CTNNA3: variants seen among roughly 807,000 people sequenced by gnomAD.
The protein encoded by CTNNA3 is catenin alpha 3, also known as catenin alpha-3.
A neutral mutation model predicts 95.7 loss-of-function variants in CTNNA3; 76 were observed. That is an observed-to-expected ratio of 0.79 (90% CI 0.66 to 0.96). The LOEUF (loss-of-function observed/expected upper bound fraction) is 0.96, where lower values mean the gene tolerates loss of function less well. Ranked by LOEUF, CTNNA3 falls within the 40% of genes least tolerant of loss-of-function variation. The pLI, the probability that CTNNA3 is intolerant of heterozygous loss-of-function variation, is 0.00. For missense variants in CTNNA3, 1,191 were observed against 1,089.8 expected (o/e 1.09, Z -1.31); for synonymous variants, 431 against 374.4 (o/e 1.15, Z -1.74).
intron 7 of CTNNA3, among the ~76,000 whole-genome samples, chr10:66,859,730 G>T: frequency 7.9e-6 from 1 of 126,778 alleles, no homozygotes; most frequent in Non-Finnish European, 1.7e-5. Flanking sequence ...TGTTTACTGC[G>T]GCACTATTCA....
At chr10:67,718,799 A>G (rs1040688201) in intron 1 of CTNNA3, among the ~76,000 whole-genome samples, 12 of 152,208 alleles carry the variant, frequency 7.9e-5, no homozygotes, top group African/African-American at 2.9e-4. Context: ...TTTAGGTATC[A>G]GGATGATGCT....
intron 5 of CTNNA3, among the ~76,000 whole-genome samples, chr10:67,468,982 T>C (rs1847710016): frequency 6.6e-6 from 1 of 152,226 alleles, no homozygotes; most frequent in South Asian, 2.1e-4. Context: ...AAGCTTAAGC[T>C]TAAGTTCACT....
At chr10:66,903,972 CAA>C (rs547652015) in intron 7 of CTNNA3, among the ~76,000 whole-genome samples, 48 of 152,266 alleles carry the variant, frequency 3.2e-4, no homozygotes, top group African/African-American at 1.1e-3. Flanking sequence ...TTTATAGATT[CAA>C]AGTCGTCCTC....
At chr10:67,349,938 T>C (rs1842570262) in intron 5 of CTNNA3, among the ~76,000 whole-genome samples, 1 of 152,094 alleles carries the variant, frequency 6.6e-6, no homozygotes, top group Non-Finnish European at 1.5e-5. Context: ...AGGTAAGGTA[T>C]CAGGGCACTC....
intron 15 of CTNNA3, among the ~76,000 whole-genome samples, chr10:66,045,421 C>T (rs1476120422): frequency 6.6e-6 from 1 of 152,016 alleles, no homozygotes; most frequent in African/African-American, 2.4e-5. Context: ...CCTTAATTGT[C>T]CTTAAAATGT....
At chr10:67,579,681 G>T (rs961281485) in intron 3 of CTNNA3, among the ~76,000 whole-genome samples, 6 of 152,272 alleles carry the variant, frequency 3.9e-5, no homozygotes, top group South Asian at 2.1e-4. Context: ...CAGTGTAAAA[G>T]TGTTCCTATT....
intron 7 of CTNNA3, among the ~76,000 whole-genome samples, chr10:66,906,082 T>C (rs761749107): frequency 1.1e-4 from 17 of 152,178 alleles, no homozygotes; most frequent in Non-Finnish European, 2.4e-4. Flanking sequence ...ACAATCTCTG[T>C]TGAACAAATA....
chr10:67,286,765 A>G (rs940993661), intron 5 of CTNNA3, among the ~76,000 whole-genome samples: 1 of 152,220 alleles, frequency 6.6e-6, no homozygotes, highest in Non-Finnish European at 1.5e-5. Context: ...TTAACTCTGC[A>G]TTAACTCCTG....
At chr10:66,660,494 T>C (rs1042085841) in intron 9 of CTNNA3, among the ~76,000 whole-genome samples, 7 of 152,188 alleles carry the variant, frequency 4.6e-5, no homozygotes, top group African/African-American at 1.2e-4. Context: ...GACAAAGTTA[T>C]GGGATTGAGC....
At chr10:67,571,378 C>A (rs1841970854) in intron 3 of CTNNA3, among the ~76,000 whole-genome samples, 1 of 152,062 alleles carries the variant, frequency 6.6e-6, no homozygotes, top group South Asian at 2.1e-4. Flanking sequence ...CTCTAAGTAT[C>A]TTTGAAATTG....
chr10:66,596,682 T>G (rs1047427359), intron 10 of CTNNA3, among the ~76,000 whole-genome samples: 1 of 151,942 alleles, frequency 6.6e-6, no homozygotes, highest in East Asian at 1.9e-4. Context: ...CTGGTCAAGG[T>G]TTTTCTTTCC....
At chr10:67,283,753 G>C (rs548818265) in intron 5 of CTNNA3, among the ~76,000 whole-genome samples, 119 of 152,232 alleles carry the variant, frequency 7.8e-4, no homozygotes, top group African/African-American at 2.6e-3. Flanking sequence ...ACTTGTCTGG[G>C]TCTCTCACTC....
intron 9 of CTNNA3, among the ~76,000 whole-genome samples, chr10:66,625,129 C>T (rs142466371): frequency 6.6e-6 from 1 of 152,102 alleles, no homozygotes; most frequent in African/African-American, 2.4e-5. Context: ...AGTCTTCAAA[C>T]AGGGATATGT....
rs11303361 is a variant in CTNNA3 at position 67,644,495 on chromosome 10, G to GAA, written c.99+2918_99+2919dup. Reference sequence around the variant, plus strand: ...AGACACTTAACATGATGTTATCCTAGAAAAAAAAACCTTTAATATAATTTA... The same window carrying GAA: ...AGACACTTAACATGATGTTATCCTAGAAAAAAAAAAACCTTTAATATAATTTA... On this transcript the variant is annotated intron_variant, in intron 2 of 17. Transcript: ENST00000433211. Among the ~76,000 whole-genome samples the GAA allele has an allele frequency of 9.7e-4, 147 of 150,790 alleles. 1 individual carries two copies. Among genetic ancestry groups the GAA allele is most frequent in the African/African-American group, 3.5e-3 (144 of 41,272 alleles).
intron 5 of CTNNA3, among the ~76,000 whole-genome samples, chr10:67,232,745 T>A (rs1388989550): frequency 6.6e-6 from 1 of 151,868 alleles, no homozygotes; most frequent in Non-Finnish European, 1.5e-5. Flanking sequence ...GACCCATCAG[T>A]GTGCTGTATT....
intron 13 of CTNNA3, among the ~76,000 whole-genome samples, chr10:66,278,314 T>C (rs149207246): frequency 7.1e-4 from 108 of 151,772 alleles, no homozygotes; most frequent in African/African-American, 2.6e-3. Flanking sequence ...TTCTAATTTA[T>C]TTGACATTGG....
chr10:66,418,887 G>A (rs2093168130), intron 11 of CTNNA3, among the ~76,000 whole-genome samples: 1 of 151,946 alleles, frequency 6.6e-6, no homozygotes, highest in Non-Finnish European at 1.5e-5. Context: ...AAAAAATAAA[G>A]TCCATATATG....
At chr10:67,224,810 A>C (rs575282637) in intron 5 of CTNNA3, among the ~76,000 whole-genome samples, 3 of 152,276 alleles carry the variant, frequency 2.0e-5, no homozygotes, top group African/African-American at 7.2e-5. Flanking sequence ...AGGGGGAAGC[A>C]CCACAGGGAG....
intron 7 of CTNNA3, among the ~76,000 whole-genome samples, chr10:66,808,336 G>A (rs1415159189): frequency 6.6e-6 from 1 of 152,106 alleles, no homozygotes; most frequent in East Asian, 1.9e-4. Context: ...GGACAATTTT[G>A]TTTAGACCAC....
Sources: gnomAD v4.1 joint callset for allele counts (sites outside exome capture counted in the v4.1 genomes callset) on GRCh38, gnomAD v4.1.1 for gene constraint, MANE v1.5 for transcripts, NCBI Gene and HGNC (gene_info 2026-07-23, HGNC 2026-07-21) for gene names.